ANKRD31: variants seen among roughly 807,000 people sequenced by gnomAD.
ANKRD31 encodes the protein ankyrin repeat domain 31.
ANKRD31 carries 147 observed loss-of-function variants against 186.0 expected under a neutral mutation model. That is an observed-to-expected ratio of 0.79 (90% confidence interval 0.69 to 0.91). ANKRD31 has a LOEUF of 0.91. ANKRD31 is among the 40% of genes least tolerant of loss of function. The pLI, the probability that ANKRD31 is intolerant of heterozygous loss-of-function variation, is 0.00. For missense variants in ANKRD31, 1,986 were observed against 2,148.8 expected (o/e 0.92, Z 1.50); for synonymous variants, 673 against 736.4 (o/e 0.91, Z 1.39).
intron 25 of ANKRD31, among the ~76,000 whole-genome samples, chr5:75,077,963 T>C (rs1314207181): frequency 1.3e-5 from 2 of 148,702 alleles, no homozygotes; most frequent in Admixed American, 6.7e-5. Context: ...AAAATAGAAG[T>C]TCTTAAGTGG....
chr5:75,200,042 A>T lies in ANKRD31; in HGVS notation c.404-368T>A, dbSNP rs138464645. On this transcript the variant is annotated intron_variant, in intron 5 of 25. Coordinates refer to ENST00000506364, the MANE Select transcript of ANKRD31 (RefSeq NM_001372053.1). ...TATCTCTTCTACTACAGGTACTTAG[A>T]GCTTAAATGAACTCATGCTGTCTGG... is the stretch of plus-strand genomic sequence containing the variant. 1.6e-4 allele frequency among the ~76,000 whole-genome samples: 24 copies of T among 152,240 alleles called. 1 individual carries two copies. In the East Asian group the frequency reaches 4.6e-3, roughly 29 times the overall value.
intron 20 of ANKRD31, among the ~76,000 whole-genome samples, chr5:75,111,774 G>C (rs192179002): frequency 2.4e-4 from 36 of 152,300 alleles, no homozygotes; most frequent in Admixed American, 2.6e-4. Flanking sequence ...AGTGATCAAA[G>C]TCTAATTTGC....
At chr5:75,093,323 A>G (rs1746072917) in intron 22 of ANKRD31, among the ~76,000 whole-genome samples, 2 of 152,086 alleles carry the variant, frequency 1.3e-5, no homozygotes, top group Admixed American at 6.6e-5. Context: ...CACTACTAAA[A>G]ATACAAAAAT....
At position 75,080,589 on chromosome 5, in the gene ANKRD31, C is replaced by A; in HGVS notation, c.5626G>T (p.Glu1876Ter). ...TTACCTTGTCCAAATTTTGTTTTCTCAAACATTGATTTGTTTGGTTCCTGT... is the reference window on the plus strand; with the variant it reads ...TTACCTTGTCCAAATTTTGTTTTCTAAAACATTGATTTGTTTGGTTCCTGT... ...PVQEPNKSMF[E>*]KTKFGQGTSR... Residue 1876 changes from glutamate (E) to a stop codon, truncating the protein, a stop_gained, in exon 25 of 26, where the codon GAG (glutamate) becomes TAG (stop). Coordinates refer to ENST00000506364, the MANE Select transcript of ANKRD31 (RefSeq NM_001372053.1). LOFTEE classifies it high-confidence loss of function. 1 of 1,527,740 alleles carries A rather than the reference C, an allele frequency of 6.5e-7. No individual in the cohort carries two copies. Among genetic ancestry groups the A allele is most frequent in the Non-Finnish European group, 8.7e-7 (1 of 1,143,570 alleles). 94.6% of individuals were successfully genotyped at this position (1,527,740 alleles called of 1,614,324 possible).
chr5:75,114,731 C>A (rs1391686194), intron 19 of ANKRD31, among the ~76,000 whole-genome samples: 1 of 152,178 alleles, frequency 6.6e-6, no homozygotes, highest in African/African-American at 2.4e-5. Context: ...AGGAGAACTA[C>A]AAACCGCTGC....
chr5:75,158,032 G>C (rs562191428), intron 11 of ANKRD31, among the ~76,000 whole-genome samples: 4 of 152,214 alleles, frequency 2.6e-5, no homozygotes, highest in Non-Finnish European at 4.4e-5. Flanking sequence ...TAGTCAAAGA[G>C]AGCCTGGCTA....
At chr5:75,202,087 A>G (rs1353365860) in intron 5 of ANKRD31, among the ~76,000 whole-genome samples, 2 of 152,160 alleles carry the variant, frequency 1.3e-5, no homozygotes, top group African/African-American at 2.4e-5. Flanking sequence ...ATATTGATTG[A>G]TGTCTCATGT....
At chr5:75,121,241 A>C (rs905651325) in intron 17 of ANKRD31, among the ~76,000 whole-genome samples, 2 of 152,104 alleles carry the variant, frequency 1.3e-5, no homozygotes, top group Non-Finnish European at 2.9e-5. Flanking sequence ...GGTGATATCA[A>C]TTCAACAAAA....
At chr5:75,208,678 A>AC (rs1202615591) in intron 4 of ANKRD31, among the ~76,000 whole-genome samples, 1 of 152,200 alleles carries the variant, frequency 6.6e-6, no homozygotes. Context: ...CCAAGAGACT[A>AC]CCCAAGACTT....
chr5:75,182,718 T>C (rs1389945139), intron 10 of ANKRD31, among the ~76,000 whole-genome samples: 1 of 146,680 alleles, frequency 6.8e-6, no homozygotes, highest in African/African-American at 2.5e-5. Context: ...AGAGTCCAAC[T>C]TAAAAAAAAA....
intron 17 of ANKRD31, among the ~76,000 whole-genome samples, chr5:75,127,040 T>C (rs1194047313): frequency 2.6e-5 from 4 of 151,762 alleles, no homozygotes. Flanking sequence ...AAAAAATTAG[T>C]TGGGTGTGGT....
At chr5:75,216,518 C>T (rs2150298152) in intron 3 of ANKRD31, among the ~76,000 whole-genome samples, 1 of 152,192 alleles carries the variant, frequency 6.6e-6, no homozygotes, top group East Asian at 1.9e-4. Flanking sequence ...TTTTTCTGAA[C>T]TCAGAAGTTA....
intron 2 of ANKRD31, among the ~76,000 whole-genome samples, chr5:75,222,796 G>A (rs1757384197): frequency 6.6e-6 from 1 of 152,152 alleles, no homozygotes; most frequent in Admixed American, 6.5e-5. Flanking sequence ...CCTTTTTGTG[G>A]CTGCATAGTA....
rs567256023 is a variant in ANKRD31 at position 75,108,276 on chromosome 5, T to C, written c.4244-659A>G. Among the ~76,000 whole-genome samples, 90 of 152,170 alleles carry C rather than the reference T, an allele frequency of 5.9e-4. 1 individual carries two copies. The highest frequency in any genetic ancestry group is 2.1e-3 in the African/African-American group (86 of 41,558). On this transcript the variant is annotated intron_variant, in intron 20 of 25. Coordinates refer to ENST00000506364, the MANE Select transcript of ANKRD31 (RefSeq NM_001372053.1). ...GTTCTTTGCATTTATAACATTTACA[T>C]TGTACTATATGATACCTAAGGTCAC... is the stretch of plus-strand genomic sequence containing the variant.
At chr5:75,126,965 C>T (rs1331389035) in intron 17 of ANKRD31, among the ~76,000 whole-genome samples, 1 of 152,018 alleles carries the variant, frequency 6.6e-6, no homozygotes, top group Non-Finnish European at 1.5e-5. Flanking sequence ...GGCAGATCAA[C>T]TGAGGTCAGG....
intron 5 of ANKRD31, among the ~76,000 whole-genome samples, chr5:75,202,833 A>C (rs1755903062): frequency 6.6e-6 from 1 of 152,236 alleles, no homozygotes; most frequent in African/African-American, 2.4e-5. Context: ...AGAGAGCTTC[A>C]ATGAAGTGCC....
chr5:75,151,087 C>T (rs1486110194), intron 12 of ANKRD31, among the ~76,000 whole-genome samples: 2 of 151,888 alleles, frequency 1.3e-5, no homozygotes, highest in Non-Finnish European at 2.9e-5. Context: ...GGACTTAGTT[C>T]TTGTCAATAG....
In ANKRD31 at chr5:75,104,710, G is replaced by A; in HGVS notation, c.4849C>T (p.Gln1617Ter). The change falls in exon 22 of 26, where the codon CAG (glutamine) becomes TAG (stop). Residue 1617 changes from glutamine to a stop codon, truncating the protein, a stop_gained. Transcript: ENST00000506364. LOFTEE classifies it high-confidence loss of function. ...GCTTCTGTAAGATCATTCTCTTTCT[G>A]TGAATATTCTGTTTGACCAATAAAA... ...VAFIGQTEYS[Q>*]KENDLTEATD... The A allele has an allele frequency of 6.5e-7, 1 of 1,537,026 alleles. No individual in the cohort carries two copies. Among genetic ancestry groups the A allele is most frequent in the Non-Finnish European group, 8.7e-7 (1 of 1,146,846 alleles).
chr5:75,118,833 A>T (rs1345485776), intron 17 of ANKRD31, among the ~76,000 whole-genome samples: 6 of 152,148 alleles, frequency 3.9e-5, no homozygotes, highest in Admixed American at 3.9e-4. Flanking sequence ...GCCCAGAAGG[A>T]TTTAATTTAT....
Sources: gnomAD v4.1 joint callset for allele counts (sites outside exome capture counted in the v4.1 genomes callset) on GRCh38, gnomAD v4.1.1 for gene constraint, MANE v1.5 for transcripts, NCBI Gene and HGNC (gene_info 2026-07-23, HGNC 2026-07-21) for gene names.